Variants in PCDHGA1 observed in about 807,000 individuals in gnomAD.
PCDHGA1 encodes protocadherin gamma subfamily A, 1.
Under a neutral mutation model 58.0 loss-of-function variants are expected in PCDHGA1, and 32 were observed. The ratio of observed to expected loss-of-function variants is 0.55; its 90% CI spans 0.42 to 0.74. The LOEUF is 0.74. PCDHGA1 is among the 30% of genes least tolerant of loss of function. PCDHGA1 has a pLI of 0.00. For synonymous variants in PCDHGA1, 498 were observed against 501.1 expected (o/e 0.99, Z 0.08); for missense variants, 1,205 against 1,182.3 (o/e 1.02, Z -0.28).
chr5:141,399,478 G>A, intron 1 of PCDHGA1: 2 of 1,614,012 alleles, frequency 1.2e-6, no homozygotes, highest in East Asian at 2.2e-5. Flanking sequence ...TTTCCACCAG[G>A]CGTCCTACTT....
chr5:141,334,786 A>G lies in PCDHGA1; in HGVS notation c.2421+1681A>G, dbSNP rs1352110703. 6.6e-6 allele frequency: 1 copy of G among 152,220 alleles called. No individual in the cohort carries two copies. Among genetic ancestry groups the G allele is most frequent in the East Asian group, 1.9e-4 (1 of 5,192 alleles). The allele number at this position is 152,220 out of a possible 1,614,324, so 9.4% of individuals were successfully genotyped here. ...CACTGCTGTGCATCATTAAAGCGTC[A>G]TTAAGAGACCTAGTTATGGCCTGGG... On this transcript the variant is annotated intron_variant, in intron 1 of 3. Coordinates refer to ENST00000517417, the MANE Select transcript of PCDHGA1 (RefSeq NM_018912.3). This position sits in a 1 kb window ranked among gnomAD's most constrained non-coding sequence, Gnocchi z 4.6.
chr5:141,372,537 C>A lies in PCDHGA1; in HGVS notation c.2421+39432C>A, dbSNP rs138338803. 3.0e-3 allele frequency: 4,858 copies of A among 1,614,046 alleles called. 5 individuals carry two copies. The highest frequency in any genetic ancestry group is 4.8e-3 in the Admixed American group (290 of 60,038). On this transcript the variant is annotated intron_variant, in intron 1 of 3. Coordinates refer to ENST00000517417, the MANE Select transcript of PCDHGA1 (RefSeq NM_018912.3). The stretch of plus-strand genomic sequence containing the variant: ...GGTGATTCTGGCAATCTCCCTGCGC[C>A]TGCGATGCTCCTCCAGACCCGCCAC...
rs368155258 is a variant in PCDHGA1 at position 141,394,236 on chromosome 5, A to T, written c.2421+61131A>T. 3.1e-5 allele frequency: 50 copies of T among 1,613,818 alleles called. No individual in the cohort carries two copies. The highest frequency in any genetic ancestry group is 3.9e-5 in the Non-Finnish European group (46 of 1,179,848). On this transcript the variant is annotated intron_variant, in intron 1 of 3. Transcript: ENST00000517417. ...GAGAGGAGCCTCCATCTTTTCCTTG[A>T]CTGCACACGACCCCGACAGCCAGGA...
intron 1 of PCDHGA1, chr5:141,408,761 G>A (rs1469424988): frequency 8.7e-6 from 14 of 1,610,446 alleles, no homozygotes; most frequent in Non-Finnish European, 1.2e-5. Flanking sequence ...AGTTAATTCC[G>A]ATGGTGGCAA....
intron 2 of PCDHGA1, among the ~76,000 whole-genome samples, chr5:141,497,213 G>A (rs1313220474): frequency 6.6e-6 from 1 of 152,126 alleles, no homozygotes; most frequent in Non-Finnish European, 1.5e-5. Flanking sequence ...GTGTAATGGG[G>A]GGGGGAAGAT....
rs1036779864 is a variant in PCDHGA1 at position 141,379,823 on chromosome 5, T to C, written c.2421+46718T>C. 3.3e-5 allele frequency among the ~76,000 whole-genome samples: 5 copies of C among 150,450 alleles called. No homozygotes were observed. In the East Asian group the frequency reaches 9.7e-4, roughly 29 times the overall value. On this transcript the variant is annotated intron_variant, in intron 1 of 3. Transcript: ENST00000517417. ...GTTTTGAGAGTTCAGTATAGAATTT[T>C]GAAGCATCAGGAAAAAAAACTACCA... is the stretch of plus-strand genomic sequence containing the variant.
At chr5:141,364,558 C>T in intron 1 of PCDHGA1, 1 of 1,614,026 alleles carries the variant, frequency 6.2e-7, no homozygotes, top group Non-Finnish European at 8.5e-7. Flanking sequence ...AGCTTTTTGC[C>T]CTGAACCCGC....
At chr5:141,371,952 T>A in intron 1 of PCDHGA1, 1 of 1,613,260 alleles carries the variant, frequency 6.2e-7, no homozygotes. Flanking sequence ...GCAGCGAGCC[T>A]TCGACCACGA....
At chr5:141,438,591 C>CATACATAT (rs1228520343) in intron 1 of PCDHGA1, among the ~76,000 whole-genome samples, 2 of 75,562 alleles carry the variant, frequency 2.6e-5, no homozygotes, top group African/African-American at 4.5e-5. Context: ...TACATACATA[C>CATACATAT]ATATATATAT....
intron 1 of PCDHGA1, among the ~76,000 whole-genome samples, chr5:141,465,300 G>A (rs904996219): frequency 1.3e-5 from 2 of 152,112 alleles, no homozygotes; most frequent in Non-Finnish European, 2.9e-5. Flanking sequence ...TGAGAGTCCT[G>A]GGAATTTAGC....
At chr5:141,364,645 C>A (rs1036042236) in intron 1 of PCDHGA1, 1 of 1,614,078 alleles carries the variant, frequency 6.2e-7, no homozygotes, top group Non-Finnish European at 8.5e-7. Flanking sequence ...GTGTGGTGAA[C>A]TTTAACATCT....
At chr5:141,450,730 G>A (rs1046738914) in intron 1 of PCDHGA1, among the ~76,000 whole-genome samples, 10 of 152,024 alleles carry the variant, frequency 6.6e-5, no homozygotes, top group Non-Finnish European at 1.2e-4. Flanking sequence ...CAGGTGATCC[G>A]CCCGCCTTGG....
rs1307942270 is a variant in PCDHGA1 at position 141,388,326 on chromosome 5, C to A, written c.2421+55221C>A. ...GCTGCAAATAAGTGAGTCTGCACAG[C>A]CTGGCACACGATTTATATTAGGATC... On this transcript the variant is annotated intron_variant, in intron 1 of 3. Transcript: ENST00000517417. 3.7e-6 allele frequency: 6 copies of A among 1,613,760 alleles called. No homozygotes were observed. The highest frequency in any genetic ancestry group is 5.1e-6 in the Non-Finnish European group (6 of 1,179,866).
At position 141,432,673 on chromosome 5, in the gene PCDHGA1, C is replaced by A. The variant is rs770930842; in HGVS notation, c.2422-62134C>A. 5 of 1,613,922 alleles carry A rather than the reference C, an allele frequency of 3.1e-6. No homozygotes were observed. Among genetic ancestry groups the A allele is most frequent in the Non-Finnish European group, 4.2e-6 (5 of 1,179,960 alleles). On this transcript the variant is annotated intron_variant, in intron 1 of 3. Coordinates refer to ENST00000517417, the MANE Select transcript of PCDHGA1 (RefSeq NM_018912.3). This position sits in a 1 kb window ranked among gnomAD's most constrained non-coding sequence, Gnocchi z 6.0. ...GAGCCCTGCTGGACAGAGACGCGCTCAAGCAGAGCCTCGTAGTGGCCGTCC... is the reference window on the plus strand; with the variant it reads ...GAGCCCTGCTGGACAGAGACGCGCTAAAGCAGAGCCTCGTAGTGGCCGTCC...
At chr5:141,351,084 C>T (rs2149760695) in intron 1 of PCDHGA1, 1 of 1,614,002 alleles carries the variant, frequency 6.2e-7, no homozygotes, top group Non-Finnish European at 8.5e-7. Context: ...GCAGAGATCA[C>T]CTATGCCTTC....
intron 1 of PCDHGA1, among the ~76,000 whole-genome samples, chr5:141,450,616 A>G (rs2098687684): frequency 6.6e-6 from 1 of 151,486 alleles, no homozygotes; most frequent in African/African-American, 2.4e-5. Flanking sequence ...CCTCCTGAGT[A>G]GCTGGGATTA....
At chr5:141,428,163 C>T (rs759273230) in intron 1 of PCDHGA1, 77 of 1,564,636 alleles carry the variant, frequency 4.9e-5, no homozygotes, top group Non-Finnish European at 6.3e-5. Flanking sequence ...CTGCTGGTTG[C>T]TGTGCGTGAC....
At chr5:141,421,060 A>C (rs1394861719) in intron 1 of PCDHGA1, 3 of 579,718 alleles carry the variant, frequency 5.2e-6, no homozygotes, top group Non-Finnish European at 8.8e-6. Context: ...TACCACACAA[A>C]GCGGAATGAG....
intron 1 of PCDHGA1, chr5:141,357,337 G>C: frequency 1.2e-6 from 2 of 1,614,118 alleles, no homozygotes; most frequent in South Asian, 1.1e-5. Flanking sequence ...GGTGCTGCTA[G>C]CACTCAAGCT....
Sources: allele counts gnomAD v4.1 joint callset (sites outside exome capture counted in the v4.1 genomes callset), GRCh38; gene constraint gnomAD v4.1.1; non-coding constraint Gnocchi (gnomAD v3.1); transcripts MANE v1.5; gene names NCBI Gene and HGNC (gene_info 2026-07-23, HGNC 2026-07-21).